The following TNIK variants were observed in gnomAD, a reference collection of about 807,000 sequenced individuals.
The protein encoded by TNIK is TRAF2 and NCK interacting kinase, also known as TRAF2 and NCK-interacting protein kinase.
Under a neutral mutation model 191.3 loss-of-function variants are expected in TNIK, and 49 were observed. The observed-to-expected ratio is 0.26, with a 90% CI of 0.20 to 0.32. The LOEUF (loss-of-function observed/expected upper bound fraction) is 0.32, where lower values mean the gene tolerates loss of function less well. Among genes scored for constraint, TNIK ranks in the 10% least tolerant of loss-of-function variants. TNIK has a pLI of 1.00. For synonymous variants in TNIK, 594 were observed against 600.9 expected (o/e 0.99, Z 0.17); for missense variants, 1,155 against 1,702.3 (o/e 0.68, Z 5.66).
At chr3:171,360,273 A>G (rs1196892159) in intron 2 of TNIK, among the ~76,000 whole-genome samples, 1 of 152,246 alleles carries the variant, frequency 6.6e-6, no homozygotes, top group Non-Finnish European at 1.5e-5. Context: ...TCAACACATC[A>G]ACTACACCAA....
chr3:171,298,200 C>A (rs1014949318), intron 2 of TNIK, among the ~76,000 whole-genome samples: 7 of 152,190 alleles, frequency 4.6e-5, no homozygotes, highest in African/African-American at 1.7e-4. Context: ...CATGGAGCAA[C>A]TGTAGTTTCT....
At chr3:171,123,834 T>C in intron 17 of TNIK, 132 bp from the exon 18 acceptor site, 2 of 555,972 alleles carry the variant, frequency 3.6e-6, no homozygotes, top group Non-Finnish European at 5.9e-6. Flanking sequence ...CTATCTTTCA[T>C]TCATTCCTCG....
chr3:171,352,485 C>T (rs547979423), intron 2 of TNIK, among the ~76,000 whole-genome samples: 4 of 152,198 alleles, frequency 2.6e-5, no homozygotes, highest in South Asian at 4.2e-4. Context: ...TCCAAAATGG[C>T]GAATGTTTGA....
intron 4 of TNIK, among the ~76,000 whole-genome samples, chr3:171,202,708 G>A (rs1414338769): frequency 1.3e-5 from 2 of 152,160 alleles, no homozygotes; most frequent in South Asian, 4.1e-4. Flanking sequence ...ACACACACCA[G>A]TTGCAAGGTA....
At chr3:171,244,440 C>T (rs1157172275) in intron 2 of TNIK, among the ~76,000 whole-genome samples, 3 of 152,136 alleles carry the variant, frequency 2.0e-5, no homozygotes, top group Non-Finnish European at 4.4e-5. Flanking sequence ...TCAAAAAAAT[C>T]AGGATTCTAA....
chr3:171,090,863 T>C (rs998200307), intron 23 of TNIK, among the ~76,000 whole-genome samples: 1 of 152,202 alleles, frequency 6.6e-6, no homozygotes, highest in Non-Finnish European at 1.5e-5. Flanking sequence ...GAGTGGTATG[T>C]TCTTATAGAA....
At chr3:171,259,411 T>A (rs1190609570) in intron 2 of TNIK, among the ~76,000 whole-genome samples, 1 of 152,200 alleles carries the variant, frequency 6.6e-6, no homozygotes, top group Non-Finnish European at 1.5e-5. Flanking sequence ...TCCTGAACAC[T>A]CTGCCTGGTG....
intron 2 of TNIK, among the ~76,000 whole-genome samples, chr3:171,304,441 A>C (rs1014382262): frequency 6.6e-6 from 1 of 152,200 alleles, no homozygotes; most frequent in Non-Finnish European, 1.5e-5. Context: ...CCATTGTGGA[A>C]GTCAGTGTGG....
intron 2 of TNIK, among the ~76,000 whole-genome samples, chr3:171,340,401 G>A (rs1193599746): frequency 6.6e-6 from 1 of 152,212 alleles, no homozygotes; most frequent in Non-Finnish European, 1.5e-5. Context: ...CTCAGCCATT[G>A]AGATCTGAAT....
At chr3:171,139,824 C>T (rs1730562591) in intron 13 of TNIK, among the ~76,000 whole-genome samples, 1 of 152,188 alleles carries the variant, frequency 6.6e-6, no homozygotes, top group South Asian at 2.1e-4. Context: ...ATAAGCCCAG[C>T]TACATGTTAA....
intron 1 of TNIK, among the ~76,000 whole-genome samples, chr3:171,436,971 A>G (rs956758685): frequency 5.3e-5 from 8 of 152,188 alleles, no homozygotes; most frequent in African/African-American, 1.7e-4. Flanking sequence ...CTCAAAAAGA[A>G]TGAAATCAAG....
intron 2 of TNIK, among the ~76,000 whole-genome samples, chr3:171,319,212 T>A (rs887833636): frequency 2.8e-4 from 42 of 152,046 alleles, no homozygotes; most frequent in African/African-American, 9.7e-4. Context: ...TAAAATTACA[T>A]GCAAAAACAC....
intron 24 of TNIK, among the ~76,000 whole-genome samples, chr3:171,086,580 A>G (rs1721384807): frequency 6.6e-6 from 1 of 152,232 alleles, no homozygotes; most frequent in Non-Finnish European, 1.5e-5. Context: ...CATCTACTCT[A>G]TAACTTTAGA....
rs12493632 is a variant in TNIK, at chr3:171,063,490, T to C, written c.*391A>G. 0.096 allele frequency: 15,447 copies of C among 160,166 alleles called. 833 individuals carry two copies. The highest frequency in any genetic ancestry group is 0.13 in the Middle Eastern group (44 of 330). 9.9% of individuals were successfully genotyped at this position (160,166 alleles called of 1,614,324 possible). A position where few individuals can be genotyped will look rare whatever the true frequency, so the allele number is the denominator to read the frequency against. On this transcript the variant is annotated 3_prime_UTR_variant, in exon 33 of 33. Transcript: ENST00000436636. ...ATTTAAAAGACTCATTTTCGCAGTA[T>C]GCATTCTTTCCCCATTCTTGCAGAG... is the stretch of plus-strand genomic sequence containing the variant.
chr3:171,155,344 GCTCT>G (rs142367394), intron 12 of TNIK, among the ~76,000 whole-genome samples: 1,692 of 152,300 alleles, frequency 0.011, 27 homozygotes, highest in African/African-American at 0.038. Flanking sequence ...AGAATTTACA[GCTCT>G]CTGAGTACTT....
intron 1 of TNIK, among the ~76,000 whole-genome samples, chr3:171,419,938 C>A (rs796577896): frequency 1.3e-5 from 2 of 152,268 alleles, no homozygotes; most frequent in African/African-American, 4.8e-5. Flanking sequence ...GAGTCAGTGC[C>A]ACTTACCTAT....
At chr3:171,183,194 C>T (rs1021699980) in intron 7 of TNIK, among the ~76,000 whole-genome samples, 45 of 152,148 alleles carry the variant, frequency 3.0e-4, no homozygotes, top group African/African-American at 1.0e-3. Context: ...AACAGGAAAA[C>T]GTGTGTCCTC....
At chr3:171,210,053 A>G (rs1367460040) in intron 4 of TNIK, among the ~76,000 whole-genome samples, 1 of 152,252 alleles carries the variant, frequency 6.6e-6, no homozygotes, top group Non-Finnish European at 1.5e-5. Context: ...TGTTAGGCAC[A>G]TACAAAACCT....
chr3:171,075,799 C>T (rs1719835559), intron 28 of TNIK, among the ~76,000 whole-genome samples: 1 of 151,498 alleles, frequency 6.6e-6, no homozygotes, highest in Non-Finnish European at 1.5e-5. Flanking sequence ...TGCAGTGGCA[C>T]CATCTCGGCT....
Sources: allele counts gnomAD v4.1 joint callset (sites outside exome capture counted in the v4.1 genomes callset), GRCh38; gene constraint gnomAD v4.1.1; transcripts MANE v1.5; gene names NCBI Gene and HGNC (gene_info 2026-07-23, HGNC 2026-07-21).